The following OAS3 variants were observed in gnomAD, a reference collection of about 807,000 sequenced individuals.
OAS3 encodes the protein 2'-5'-oligoadenylate synthase 3.
In OAS3, 107 loss-of-function variants were observed where a neutral mutation model predicts 113.0. The ratio of observed to expected loss-of-function variants is 0.95; its 90% CI spans 0.81 to 1.11. The LOEUF is 1.11. Among genes scored for constraint, OAS3 ranks in the 50% most tolerant of loss-of-function variants. OAS3 has a pLI of 0.00. For missense variants in OAS3, 1,258 were observed against 1,389.1 expected (o/e 0.91, Z 1.50); for synonymous variants, 552 against 573.6 (o/e 0.96, Z 0.54).
At chr12:112,958,348 CAA>C (rs2043853706) in intron 7 of OAS3, among the ~76,000 whole-genome samples, 1 of 152,260 alleles carries the variant, frequency 6.6e-6, no homozygotes, top group Non-Finnish European at 1.5e-5. Flanking sequence ...CTCAACTCAT[CAA>C]AGTCATTCTC....
intron 5 of OAS3, 91 bp from the exon 6 acceptor site, chr12:112,948,770 G>GT: frequency 6.8e-6 from 7 of 1,023,006 alleles, no homozygotes; most frequent in Non-Finnish European, 1.0e-5. Flanking sequence ...CACCCTGACT[G>GT]TACAAAGGGC....
Position 112,964,239 on chromosome 12 carries a change from C to T in OAS3, c.2234C>T (p.Ala745Val). ...CCACCTGGATTCTCTCTGCAGCCAGCCCTCCTTTACCAAACCCCAGCTGGG... is the reference window on the plus strand; with the variant it reads ...CCACCTGGATTCTCTCTGCAGCCAGTCCTCCTTTACCAAACCCCAGCTGGG... ...TSVQPWDVMP[A>V]LLYQTPAGDL... The change falls in exon 11 of 16, where the codon GCC becomes GTC. Residue 745 changes from alanine to valine, a missense_variant. Coordinates refer to ENST00000228928, the MANE Select transcript of OAS3 (RefSeq NM_006187.4). 5 of 1,586,894 alleles carry T rather than the reference C, an allele frequency of 3.2e-6. No homozygotes were observed. Among genetic ancestry groups the T allele is most frequent in the Non-Finnish European group, 4.3e-6 (5 of 1,166,090 alleles).
rs372599798 is a variant in OAS3, at chr12:112,968,056, C to T, written c.2986C>T (p.Arg996Cys). ...CCAGTTCAACATGGCTGAGGGCTTC[C>T]GCACGGTCCTGGAGCTGGTCACCCA... ...DSQFNMAEGF[R>C]TVLELVTQYR... Residue 996 changes from arginine to cysteine, a missense_variant, in exon 14 of 16, where the codon CGC (arginine) becomes TGC (cysteine). By Grantham distance (180) the Arg-to-Cys change is radical. Coordinates refer to ENST00000228928, the MANE Select transcript of OAS3 (RefSeq NM_006187.4). The T allele has an allele frequency of 8.7e-6, 14 of 1,613,854 alleles. No homozygotes were observed. The highest frequency in any genetic ancestry group is 3.3e-5 in the South Asian group (3 of 91,084).
At position 112,969,764 on chromosome 12, in the gene OAS3, T is replaced by G; in HGVS notation, c.3252+9T>G. The G allele has an allele frequency of 6.2e-7, 1 of 1,611,186 alleles. No individual in the cohort carries two copies. Among genetic ancestry groups the G allele is most frequent in the African/African-American group, 1.3e-5 (1 of 74,972 alleles). On this transcript the variant is annotated intron_variant, in intron 15 of 15. Coordinates refer to ENST00000228928, the MANE Select transcript of OAS3 (RefSeq NM_006187.4). ...AGCCATGGCCAGTGAAGGTGAGAGA[T>G]CTGTGGTGCCAAAGGAAGTACCCTT... is the stretch of plus-strand genomic sequence containing the variant.
In OAS3 at chr12:112,950,644, T is replaced by A. The variant is rs201014689; in HGVS notation, c.1375-49T>A. ...GCAGGTGATGGGATCGTAGTCCGACTCCCAGGCTCCTAGAGGGTCCCTGAT... is the reference window on the plus strand; with the variant it reads ...GCAGGTGATGGGATCGTAGTCCGACACCCAGGCTCCTAGAGGGTCCCTGAT... On this transcript the variant is annotated intron_variant, in intron 6 of 15. Transcript: ENST00000228928. 253 of 1,593,694 alleles carry A rather than the reference T, an allele frequency of 1.6e-4. 2 individuals are homozygous for A. The South Asian group carries it at 2.4e-3, about 15-fold the overall frequency.
chr12:112,944,028 T>C (rs529306828), intron 2 of OAS3, among the ~76,000 whole-genome samples: 30 of 152,310 alleles, frequency 2.0e-4, no homozygotes, highest in African/African-American at 7.2e-4. Context: ...TGCTAAAGGA[T>C]CAGGGCTTTT....
At chr12:112,957,709 T>C (rs2043848428) in intron 7 of OAS3, among the ~76,000 whole-genome samples, 1 of 152,236 alleles carries the variant, frequency 6.6e-6, no homozygotes, top group South Asian at 2.1e-4. Flanking sequence ...AGATCTGCTG[T>C]TAGTCTGATG....
In OAS3 at chr12:112,949,039, G is replaced by A. The variant is rs747952385; in HGVS notation, c.1208G>A (p.Gly403Glu). The part of the protein sequence containing the change: ...GAASIVPSVP[G>E]MALDLSQIPT... The stretch of plus-strand genomic sequence containing the variant: ...GCCAGCATCGTCCCCTCTGTGCCGG[G>A]AATGGCCTTGGACCTGTCTCAGATC... Residue 403 changes from glycine to glutamate, a missense_variant, in exon 6 of 16, where the codon GGA (glycine) becomes GAA (glutamate). Transcript: ENST00000228928. The A allele has an allele frequency of 1.2e-6, 2 of 1,614,030 alleles. No homozygotes were observed. Among genetic ancestry groups the A allele is most frequent in the Non-Finnish European group, 1.7e-6 (2 of 1,179,892 alleles).
rs2043751702 is a variant in OAS3, at chr12:112,948,221, T to C, written c.1029+122T>C. 5 of 998,414 alleles carry C rather than the reference T, an allele frequency of 5.0e-6. No individual in the cohort carries two copies. The South Asian group carries it at 8.2e-5, about 16-fold the overall frequency. The allele number at this position is 998,414 out of a possible 1,614,324, so 61.8% of individuals were successfully genotyped here. ...GCTTTAAAAAGCAGGGGTGGCCAGG[T>C]GTGGTGGCTCACGCCTGTAATCTCA... On this transcript the variant is annotated intron_variant, in intron 5 of 15. Coordinates refer to ENST00000228928, the MANE Select transcript of OAS3 (RefSeq NM_006187.4).
chr12:112,948,085 T>A lies in OAS3; in HGVS notation c.1015T>A (p.Ser339Thr). 6.5e-7 allele frequency: 1 copy of A among 1,542,228 alleles called. No homozygotes were observed. Among genetic ancestry groups the A allele is most frequent in the Non-Finnish European group, 8.7e-7 (1 of 1,145,684 alleles). ...FLRGMGDPVQ[S>T]WKGPGLPRAG... is the part of the protein sequence containing the mutation. ...GAGGGGGATGGGGGACCCAGTGCAGTCTTGGAAGGGGCCGGTAAGTGAGGG... is the reference window on the plus strand; with the variant it reads ...GAGGGGGATGGGGGACCCAGTGCAGACTTGGAAGGGGCCGGTAAGTGAGGG... Residue 339 changes from serine to threonine, a missense_variant, in exon 5 of 16, where the codon TCT becomes ACT. Ser to Thr is a moderately conservative substitution (Grantham distance 58). Coordinates refer to ENST00000228928, the MANE Select transcript of OAS3 (RefSeq NM_006187.4).
chr12:112,943,018 A>G, intron 2 of OAS3, among the ~76,000 whole-genome samples: 1 of 151,434 alleles, frequency 6.6e-6, no homozygotes, highest in Non-Finnish European at 1.5e-5. Context: ...GCTCACTGCA[A>G]CCTCCGTCCT....
In OAS3 at chr12:112,938,572, C is replaced by T. The variant is rs761376223; in HGVS notation, c.42C>T (p.Phe14=). The T allele has an allele frequency of 2.5e-6, 4 of 1,610,420 alleles. No homozygotes were observed. The highest frequency in any genetic ancestry group is 3.3e-5 in the Admixed American group (2 of 59,860). ...YSTPAAALDR[F]VARRLQPRKE... ...CCCCGGCCGCTGCGCTGGACAGGTT[C>T]GTGGCCAGAAGGCTGCAGCCGCGGA... The change falls in exon 1 of 16, where the codon TTC becomes TTT. Residue 14 remains phenylalanine (F), a synonymous_variant. Transcript: ENST00000228928.
At chr12:112,969,827 G>C in intron 15 of OAS3, 72 bp downstream of exon 15, 5 of 1,596,370 alleles carry the variant, frequency 3.1e-6, no homozygotes, top group Non-Finnish European at 4.3e-6. Context: ...GGAGGGACAT[G>C]ATTCCCACTA....
At position 112,970,356 on chromosome 12, in the gene OAS3, C is replaced by A. The variant is rs546262514; in HGVS notation, c.*383C>A. 3 of 291,002 alleles carry A rather than the reference C, an allele frequency of 1.0e-5. No homozygotes were observed. The South Asian group carries it at 1.5e-4, about 14-fold the overall frequency. The allele number at this position is 291,002 out of a possible 1,614,324, so 18.0% of individuals were successfully genotyped here. ...TTAGCTCACATCTTTCCTCCTGCTG[C>A]AATCCATCCCTTCCTCCCATTGGCC... On this transcript the variant is annotated 3_prime_UTR_variant, in exon 16 of 16. Transcript: ENST00000228928.
chr12:112,944,708 T>A (rs183133638), intron 3 of OAS3, 57 bp downstream of exon 3: 1 of 1,576,662 alleles, frequency 6.3e-7, no homozygotes, highest in Non-Finnish European at 8.7e-7. Context: ...TGTGCTTTCA[T>A]AGTCGTGAAA....
At chr12:112,960,888 A>G (rs1397604777) in intron 7 of OAS3, among the ~76,000 whole-genome samples, 183 bp from the exon 8 acceptor site, 1 of 152,216 alleles carries the variant, frequency 6.6e-6, no homozygotes, top group Non-Finnish European at 1.5e-5. Flanking sequence ...AAAAGCATCC[A>G]GTACAGAATT....
At chr12:112,942,331 T>G (rs574906533) in intron 2 of OAS3, 1 of 227,836 alleles carries the variant, frequency 4.4e-6, no homozygotes, top group African/African-American at 2.2e-5. Flanking sequence ...ATCTGTAAAA[T>G]GAGGATAATA....
chr12:112,956,141 T>C (rs971409147), intron 7 of OAS3, among the ~76,000 whole-genome samples: 15 of 152,210 alleles, frequency 9.9e-5, no homozygotes, highest in Admixed American at 9.2e-4. Context: ...TTTATAGTAT[T>C]CTCTGATGGT....
chr12:112,961,117 G>C lies in OAS3; in HGVS notation c.1704G>C (p.Arg568Ser), dbSNP rs200269959. The C allele has an allele frequency of 3.7e-6, 6 of 1,613,256 alleles. No individual in the cohort carries two copies. In the East Asian group the frequency reaches 1.1e-4, roughly 30 times the overall value. ...AACCAAATCCCCAGGTCTACTCGAG[G>C]CTCCTCACCAGTGGCTGCCAGGAGG... The part of the protein sequence containing the change: ...GTKPNPQVYS[R>S]LLTSGCQEGE... The change falls in exon 8 of 16, where the codon AGG becomes AGC. Residue 568 changes from arginine (R) to serine (S), a missense_variant. Physicochemically the swap from Arg to Ser is moderately radical, Grantham distance 110 (BLOSUM62 -1). Transcript: ENST00000228928.
Sources: gnomAD v4.1 joint callset for allele counts (sites outside exome capture counted in the v4.1 genomes callset) on GRCh38, gnomAD v4.1.1 for gene constraint, MANE v1.5 for transcripts, NCBI Gene and HGNC (gene_info 2026-07-23, HGNC 2026-07-21) for gene names.